GRIA3: variants seen among roughly 807,000 people sequenced by gnomAD.
The protein encoded by GRIA3 is glutamate receptor 3.
Under a neutral mutation model 63.0 loss-of-function variants are expected in GRIA3, and 3 were observed. The observed-to-expected ratio is 0.05, with a 90% CI of 0.02 to 0.12. The LOEUF (loss-of-function observed/expected upper bound fraction) is 0.12. Ranked by LOEUF, GRIA3 falls within the 10% of genes least tolerant of loss-of-function variation. GRIA3 has a pLI of 1.00. For missense variants in GRIA3, 347 were observed against 700.9 expected (o/e 0.50, Z 5.70); for synonymous variants, 274 against 257.9 (o/e 1.06, Z -0.60).
intron 2 of GRIA3, among the ~76,000 whole-genome samples, chrX:123,211,983 T>A (rs1266149418): frequency 8.9e-6 from 1 of 111,822 alleles, no homozygotes; most frequent in African/African-American, 3.3e-5. Context: ...AGACTTGGTA[T>A]TCAAGTTATT....
chrX:123,301,845 G>T (rs956370488), intron 3 of GRIA3, among the ~76,000 whole-genome samples: 1 of 111,955 alleles, frequency 8.9e-6, no homozygotes, highest in African/African-American at 3.2e-5. Context: ...GCCCACACAA[G>T]TATTAGGCAA....
chrX:123,252,161 A>T (rs944323133), intron 2 of GRIA3, among the ~76,000 whole-genome samples: 1 of 111,741 alleles, frequency 8.9e-6, no homozygotes, highest in African/African-American at 3.3e-5. Context: ...CTGATTTCCC[A>T]CTCATCCTTG....
intron 4 of GRIA3, among the ~76,000 whole-genome samples, chrX:123,349,342 T>C (rs909200103): frequency 1.8e-5 from 2 of 112,320 alleles, no homozygotes; most frequent in African/African-American, 6.5e-5. Context: ...TTATTTGCGT[T>C]GGTTCTTTGC....
intron 3 of GRIA3, among the ~76,000 whole-genome samples, chrX:123,301,436 G>C (rs1390352018): frequency 9.0e-6 from 1 of 111,081 alleles, no homozygotes; most frequent in Non-Finnish European, 1.9e-5. Context: ...TCTTGGACAA[G>C]ATATTTAAAC....
chrX:123,420,916 A>T (rs2045561179), intron 11 of GRIA3, among the ~76,000 whole-genome samples: 1 of 110,828 alleles, frequency 9.0e-6, no homozygotes, highest in South Asian at 3.8e-4. Context: ...GGCTTTCAAA[A>T]TTTTTTTTAC....
rs868014342 is a variant in GRIA3, at chrX:123,260,402, A to C, written c.508+6860A>C. On this transcript the variant is annotated intron_variant, in intron 3 of 15. Transcript: ENST00000620443. ...GGGTATCTCAATTATGAAAGAAAGAAAGACAGACAGACAGACAGACAGACA... is the reference window on the plus strand; with the variant it reads ...GGGTATCTCAATTATGAAAGAAAGACAGACAGACAGACAGACAGACAGACA... Among the ~76,000 whole-genome samples the C allele has an allele frequency of 9.1e-5, 2 of 22,003 alleles. 1 individual carries two copies. The highest frequency in any genetic ancestry group is 1.1e-3 in the Admixed American group (2 of 1,853). The allele number at this position is 22,003 out of a possible 115,157, so 19.1% of individuals were successfully genotyped here. A position where few individuals can be genotyped will look rare whatever the true frequency, so the allele number is the denominator to read the frequency against.
At chrX:123,318,975 T>C (rs1174626430) in intron 3 of GRIA3, among the ~76,000 whole-genome samples, 4 of 111,732 alleles carry the variant, frequency 3.6e-5, no homozygotes, top group Non-Finnish European at 5.6e-5. Flanking sequence ...AAAAGGCACT[T>C]CTTACATGGC....
At chrX:123,202,590 G>C in intron 2 of GRIA3, 1 of 1,143,780 alleles carries the variant, frequency 8.7e-7, no homozygotes, top group East Asian at 3.3e-5. Flanking sequence ...CGCTGAAGGA[G>C]ACCTATGGCC....
chrX:123,247,287 T>C (rs754655568), intron 2 of GRIA3, among the ~76,000 whole-genome samples: 1 of 112,181 alleles, frequency 8.9e-6, no homozygotes, highest in East Asian at 2.8e-4. Flanking sequence ...AATCAAGTTG[T>C]TTGACATTTT....
In GRIA3 at chrX:123,320,911, C is replaced by T. The variant is rs778999015; in HGVS notation, c.509-5115C>T. Among the ~76,000 whole-genome samples the T allele has an allele frequency of 3.6e-5, 4 of 111,856 alleles. No homozygotes were observed. In the Admixed American group the frequency reaches 3.8e-4, roughly 11 times the overall value. ...GTGTGATATTTGGCAAGTCACTTCC[C>T]CTGTCTAAGCACCACCTCTCAAACC... On this transcript the variant is annotated intron_variant, in intron 3 of 15. Transcript: ENST00000620443.
At chrX:123,351,726 A>G (rs1280510104) in intron 4 of GRIA3, among the ~76,000 whole-genome samples, 1 of 111,887 alleles carries the variant, frequency 8.9e-6, no homozygotes, top group African/African-American at 3.2e-5. Context: ...CTTTTAATTT[A>G]CTGTGAACTG....
At chrX:123,300,502 C>A (rs2044715594) in intron 3 of GRIA3, among the ~76,000 whole-genome samples, 1 of 105,407 alleles carries the variant, frequency 9.5e-6, no homozygotes, top group African/African-American at 3.5e-5. Flanking sequence ...GGAATTTATG[C>A]ATTTCTGACT....
chrX:123,189,327 G>T (rs765720519), intron 2 of GRIA3, among the ~76,000 whole-genome samples: 145 of 112,434 alleles, frequency 1.3e-3, no homozygotes, highest in African/African-American at 4.0e-3. Context: ...TAAGTTACAT[G>T]TGTGTTTTTT....
chrX:123,382,659 T>C (rs2045331633), intron 5 of GRIA3, among the ~76,000 whole-genome samples: 1 of 111,089 alleles, frequency 9.0e-6, no homozygotes, highest in Non-Finnish European at 1.9e-5. Context: ...GTATTTGAGG[T>C]GGACATCTCC....
In GRIA3 at chrX:123,413,369, T is replaced by G. The variant is rs756515881; in HGVS notation, c.1501-4033T>G. Among the ~76,000 whole-genome samples the G allele has an allele frequency of 1.2e-4, 13 of 108,260 alleles. No homozygotes were observed. In the East Asian group the frequency reaches 3.8e-3, roughly 31 times the overall value. The allele number at this position is 108,260 out of a possible 115,157, so 94.0% of individuals were successfully genotyped here. On this transcript the variant is annotated intron_variant, in intron 10 of 15. Transcript: ENST00000620443. ...AAAAGATGAAAAATACTGGTTAAAT[T>G]AAGTAATTAAATTCAAATGAAATCA...
intron 13 of GRIA3, among the ~76,000 whole-genome samples, chrX:123,479,236 T>A (rs1166894127): frequency 8.9e-6 from 1 of 112,650 alleles, no homozygotes; most frequent in African/African-American, 3.2e-5. Context: ...CCCTGCCATA[T>A]TAATAATCCA....
intron 5 of GRIA3, among the ~76,000 whole-genome samples, chrX:123,380,329 C>T (rs1453291523): frequency 1.8e-5 from 2 of 112,034 alleles, no homozygotes; most frequent in Non-Finnish European, 3.8e-5. Flanking sequence ...TTTTAATGAT[C>T]ACCATTCTAA....
chrX:123,417,991 A>G, intron 11 of GRIA3: 3 of 432,168 alleles, frequency 6.9e-6, no homozygotes, highest in Non-Finnish European at 1.2e-5. Context: ...TTTCTATGGT[A>G]TTGTATATAC....
At chrX:123,427,407 A>C (rs1417769753) in intron 11 of GRIA3, among the ~76,000 whole-genome samples, 2 of 111,468 alleles carry the variant, frequency 1.8e-5, no homozygotes, top group Non-Finnish European at 3.8e-5. Flanking sequence ...TTAAGATCCT[A>C]GGTGATTTTA....
Sources: gnomAD v4.1 joint callset for allele counts (sites outside exome capture counted in the v4.1 genomes callset) on GRCh38, gnomAD v4.1.1 for gene constraint, MANE v1.5 for transcripts, NCBI Gene and HGNC (gene_info 2026-07-23, HGNC 2026-07-21) for gene names.